Variants in XPO6 observed in about 807,000 individuals in gnomAD.
XPO6 encodes the protein exportin-6.
In XPO6, 3 loss-of-function variants were observed where a neutral mutation model predicts 130.0. The observed-to-expected ratio is 0.02, with a 90% CI of 0.01 to 0.06. The LOEUF (loss-of-function observed/expected upper bound fraction) is 0.06. XPO6 is among the 10% of genes least tolerant of loss of function. The probability of loss-of-function intolerance (pLI) is 1.00; values close to 1 mark genes in which losing one functional copy is unlikely to be tolerated. For synonymous variants in XPO6, 524 were observed against 548.9 expected (o/e 0.95, Z 0.63); for missense variants, 970 against 1,393.0 (o/e 0.70, Z 4.83).
At position 28,156,181 on chromosome 16, in the gene XPO6, C is replaced by T. The variant is rs1270950817; in HGVS notation, c.990G>A (p.Glu330=). The T allele has an allele frequency of 3.7e-6, 6 of 1,614,022 alleles. No individual in the cohort carries two copies. The highest frequency in any genetic ancestry group is 1.3e-5 in the African/African-American group (1 of 74,894). ...MSKNCVPMEF[E]EYLLRMFQQT... ...GCTGGAACATACGCAGTAAATACTC[C>T]TCAAATTCCATAGGCACACAGTTCT... is the stretch of plus-strand genomic sequence containing the variant. The change falls in exon 7 of 24, where the codon GAG becomes GAA. Residue 330 remains glutamate (E), a synonymous_variant. Transcript: ENST00000304658.
intron 1 of XPO6, among the ~76,000 whole-genome samples, chr16:28,189,375 G>A (rs1022576520): frequency 6.6e-6 from 1 of 151,920 alleles, no homozygotes; most frequent in Non-Finnish European, 1.5e-5. Context: ...AGTCAGCAGG[G>A]CAATCAGGGA....
rs149124858 is a variant in XPO6, at chr16:28,165,730, T to C, written c.643+778A>G. 4.5e-3 allele frequency among the ~76,000 whole-genome samples: 684 copies of C among 152,344 alleles called. 6 individuals carry two copies. The highest frequency in any genetic ancestry group is 0.016 in the African/African-American group (664 of 41,570). On this transcript the variant is annotated intron_variant, in intron 6 of 23. Coordinates refer to ENST00000304658, the MANE Select transcript of XPO6 (RefSeq NM_015171.4). ...GAGAAGATGTGGAAATATTTCTCAT[T>C]AGCCACATCAACCTTTACAGTAGAG...
At chr16:28,173,204 C>A (rs2043482376) in intron 4 of XPO6, 1 of 152,156 alleles carries the variant, frequency 6.6e-6, no homozygotes. Context: ...GTCCTGGAAC[C>A]AATCCCCCAC....
At chr16:28,166,721 AGCTAGCG>A in intron 5 of XPO6, 136 bp from the exon 6 acceptor site, 1 of 1,478,296 alleles carries the variant, frequency 6.8e-7, no homozygotes, top group South Asian at 1.4e-5. Context: ...GTCCTCCTCC[AGCTAGCG>A]GCTGTGCCTC....
At chr16:28,122,811 C>T (rs968122095) in intron 13 of XPO6, among the ~76,000 whole-genome samples, 1 of 151,986 alleles carries the variant, frequency 6.6e-6, no homozygotes, top group Non-Finnish European at 1.5e-5. Context: ...AACTGTCCAC[C>T]ATAGAATCTA....
intron 6 of XPO6, among the ~76,000 whole-genome samples, chr16:28,161,334 T>C (rs187283464): frequency 4.5e-4 from 68 of 152,286 alleles, no homozygotes; most frequent in Admixed American, 8.5e-4. Flanking sequence ...TATTGAGAGC[T>C]GAGGTCTTAT....
chr16:28,164,319 C>T (rs1386762419), intron 6 of XPO6, among the ~76,000 whole-genome samples: 5 of 152,190 alleles, frequency 3.3e-5, no homozygotes, highest in Admixed American at 3.3e-4. Flanking sequence ...TACTGCTTAA[C>T]TTGGCATCTT....
At chr16:28,209,399 G>A (rs1000581784) in intron 1 of XPO6, among the ~76,000 whole-genome samples, 4 of 152,106 alleles carry the variant, frequency 2.6e-5, no homozygotes, top group African/African-American at 9.7e-5. Flanking sequence ...CAGCACTTTG[G>A]GAGGCCGAGG....
intron 9 of XPO6, among the ~76,000 whole-genome samples, chr16:28,139,775 C>T (rs1481327511): frequency 6.6e-6 from 1 of 152,112 alleles, no homozygotes; most frequent in East Asian, 1.9e-4. Flanking sequence ...GTCCAACACT[C>T]AATAGACACA....
chr16:28,170,019 C>T (rs57524656), intron 4 of XPO6, 110 bp from the exon 5 acceptor site: 37,546 of 1,367,700 alleles, frequency 0.027, 3,087 homozygotes, highest in East Asian at 0.19. Context: ...CTTACATGAA[C>T]ATAAATCAAC....
At position 28,125,606 on chromosome 16, in the gene XPO6, T is replaced by A. The variant is rs1231210428; in HGVS notation, c.1766+83A>T. 3.4e-5 allele frequency: 52 copies of A among 1,510,402 alleles called. No individual in the cohort carries two copies. In the Middle Eastern group the frequency reaches 1.1e-3, roughly 33 times the overall value. 93.6% of individuals were successfully genotyped at this position (1,510,402 alleles called of 1,614,324 possible). A position where few individuals can be genotyped will look rare whatever the true frequency, so the allele number is the denominator to read the frequency against. On this transcript the variant is annotated intron_variant, in intron 13 of 23. Transcript: ENST00000304658. ...TACCCGGGGCCAGAGCAGAAGCTAT[T>A]TGGCAATATGCTGCCCCTCACACAA...
intron 6 of XPO6, 52 bp from the exon 7 acceptor site, chr16:28,156,579 G>T: frequency 1.5e-6 from 2 of 1,378,588 alleles, no homozygotes; most frequent in South Asian, 3.1e-5. Context: ...TCTTACAAAT[G>T]ACTTTAAGTA....
At chr16:28,145,133 C>T (rs16939880) in intron 9 of XPO6, among the ~76,000 whole-genome samples, 140,762 of 152,240 alleles carry the variant, frequency 0.92, 66,010 homozygotes, top group Non-Finnish European at 1. Flanking sequence ...ATACAAATTA[C>T]ACGAATCAGT....
chr16:28,177,400 C>A (rs2043550155), intron 2 of XPO6, 68 bp from the exon 3 acceptor site: 2 of 867,652 alleles, frequency 2.3e-6, no homozygotes, highest in Non-Finnish European at 1.8e-6. Flanking sequence ...ACTGGGCTAT[C>A]TTATTATTAT....
rs60754642 is a variant in XPO6 at position 28,186,374 on chromosome 16, C to CTTTTTTTTTT, written c.4-5353_4-5344dup. 3.6e-4 allele frequency among the ~76,000 whole-genome samples: 29 copies of CTTTTTTTTTT among 81,414 alleles called. 2 individuals carry two copies. The highest frequency in any genetic ancestry group is 1.6e-3 in the East Asian group (5 of 3,170). 53.4% of individuals were successfully genotyped at this position (81,414 alleles called of 152,430 possible). A position where few individuals can be genotyped will look rare whatever the true frequency, so the allele number is the denominator to read the frequency against. On this transcript the variant is annotated intron_variant, in intron 1 of 23. Transcript: ENST00000304658. ...TATAGATTTTTCTGCCCCAGTTATT[C>CTTTTTTTTTT]TTTTTTTTTTTTTTTTTGCTAAAGA...
intron 5 of XPO6, among the ~76,000 whole-genome samples, chr16:28,167,697 T>C (rs1277255495): frequency 1.3e-5 from 2 of 152,256 alleles, no homozygotes; most frequent in Admixed American, 1.3e-4. Flanking sequence ...TTCCTCTTTG[T>C]ACCCGTACAG....
At chr16:28,166,152 T>C (rs148236157) in intron 6 of XPO6, among the ~76,000 whole-genome samples, 61 of 152,198 alleles carry the variant, frequency 4.0e-4, no homozygotes, top group African/African-American at 1.4e-3. Context: ...GCACTCAATA[T>C]TCCTGTTCCT....
rs1256501449 is a variant in XPO6 at position 28,098,336 on chromosome 16, C to T, written c.*202G>A. On this transcript the variant is annotated 3_prime_UTR_variant, in exon 24 of 24. Transcript: ENST00000304658. ...GCCTGCTCCAACGCCCTGGGAGCACCGTCCAGTGCTCAGGTGGACCCAGAA... is the reference window on the plus strand; with the variant it reads ...GCCTGCTCCAACGCCCTGGGAGCACTGTCCAGTGCTCAGGTGGACCCAGAA... 5.7e-6 allele frequency: 3 copies of T among 527,144 alleles called. No individual in the cohort carries two copies. Among genetic ancestry groups the T allele is most frequent in the Non-Finnish European group, 1.0e-5 (3 of 294,874 alleles). The allele number at this position is 527,144 out of a possible 1,614,324, so 32.7% of individuals were successfully genotyped here.
At chr16:28,148,630 G>A (rs1320387541) in intron 8 of XPO6, among the ~76,000 whole-genome samples, 1 of 152,168 alleles carries the variant, frequency 6.6e-6, no homozygotes, top group Non-Finnish European at 1.5e-5. Context: ...GTCTTGGAAA[G>A]TGAACAAATA....
Sources: allele counts gnomAD v4.1 joint callset (sites outside exome capture counted in the v4.1 genomes callset), GRCh38; gene constraint gnomAD v4.1.1; transcripts MANE v1.5; gene names NCBI Gene and HGNC (gene_info 2026-07-23, HGNC 2026-07-21).